The following TSPAN13 variants were observed in gnomAD, a reference collection of about 807,000 sequenced individuals.
TSPAN13 encodes tetraspanin 13.
A neutral mutation model predicts 26.9 loss-of-function variants in TSPAN13; 18 were observed. The observed-to-expected ratio is 0.67, with a 90% confidence interval of 0.46 to 0.99. The LOEUF is 0.99. TSPAN13 is among the 50% of genes least tolerant of loss of function. The pLI is 0.00. For missense variants in TSPAN13, 201 were observed against 249.6 expected (o/e 0.81, Z 1.31); for synonymous variants, 116 against 98.4 (o/e 1.18, Z -1.06).
Position 16,783,570 on chromosome 7 carries a change from G to T in TSPAN13, c.*79G>T. On this transcript the variant is annotated 3_prime_UTR_variant, in exon 6 of 6. Transcript: ENST00000262067. Reference sequence around the variant, plus strand: ...ATTTTCTGTTAAGCTCCATTTGCCAGTTTAAGGAAGGAAACACTATCTGGA... The same window carrying T: ...ATTTTCTGTTAAGCTCCATTTGCCATTTTAAGGAAGGAAACACTATCTGGA... 2 of 1,331,766 alleles carry T rather than the reference G, an allele frequency of 1.5e-6. No homozygotes were observed. 82.5% of individuals were successfully genotyped at this position (1,331,766 alleles called of 1,614,324 possible).
At chr7:16,767,429 A>G (rs1784618698) in intron 1 of TSPAN13, among the ~76,000 whole-genome samples, 1 of 152,122 alleles carries the variant, frequency 6.6e-6, no homozygotes, top group Admixed American at 6.6e-5. Context: ...CTATTGTGTG[A>G]TCACACCAGA....
Position 16,777,919 on chromosome 7 carries a change from C to G in TSPAN13, c.426+8C>G. 1.9e-6 allele frequency: 3 copies of G among 1,595,324 alleles called. No homozygotes were observed. The highest frequency in any genetic ancestry group is 2.6e-6 in the Non-Finnish European group (3 of 1,164,786). On this transcript the variant is annotated splice_region_variant and intron_variant, in intron 4 of 5. Transcript: ENST00000262067. Reference sequence around the variant, plus strand: ...AATGACACCTGTCTGGCTGTAAGTACATTGTATAATATATGTTTTTGGAAA... The same window carrying G: ...AATGACACCTGTCTGGCTGTAAGTAGATTGTATAATATATGTTTTTGGAAA...
chr7:16,779,608 A>G (rs1784792626), intron 5 of TSPAN13, among the ~76,000 whole-genome samples: 1 of 151,934 alleles, frequency 6.6e-6, no homozygotes, highest in South Asian at 2.1e-4. Context: ...CTATATGTGT[A>G]TAATGTATTG....
intron 1 of TSPAN13, among the ~76,000 whole-genome samples, chr7:16,765,898 G>A (rs1177691354): frequency 6.6e-6 from 1 of 152,166 alleles, no homozygotes; most frequent in East Asian, 1.9e-4. Flanking sequence ...TTTTAATTAT[G>A]CTGTTAGAGT....
At chr7:16,767,728 C>T (rs1784623097) in intron 1 of TSPAN13, among the ~76,000 whole-genome samples, 1 of 152,040 alleles carries the variant, frequency 6.6e-6, no homozygotes, top group Admixed American at 6.5e-5. Context: ...CAGTCTAGTG[C>T]ATGTGAGATG....
At chr7:16,782,995 T>C (rs1784829925) in intron 5 of TSPAN13, among the ~76,000 whole-genome samples, 1 of 152,166 alleles carries the variant, frequency 6.6e-6, no homozygotes, top group South Asian at 2.1e-4. Context: ...TCCCTTTACT[T>C]CTGCCATCAC....
At chr7:16,776,909 T>G (rs1784757978) in intron 2 of TSPAN13, 133 bp from the exon 3 acceptor site, 2 of 480,168 alleles carry the variant, frequency 4.2e-6, no homozygotes. Flanking sequence ...TTTTTGAACT[T>G]TCTCTAAGTG....
At chr7:16,773,675 T>G (rs1453180805) in intron 1 of TSPAN13, among the ~76,000 whole-genome samples, 1 of 152,244 alleles carries the variant, frequency 6.6e-6, no homozygotes. Flanking sequence ...AGGTGTAACT[T>G]TTAATATTCT....
intron 1 of TSPAN13, among the ~76,000 whole-genome samples, chr7:16,759,060 A>G (rs1284356629): frequency 1.3e-5 from 2 of 152,200 alleles, no homozygotes; most frequent in Non-Finnish European, 2.9e-5. Context: ...TAGAAGGTAA[A>G]CAAGTTTTAT....
intron 1 of TSPAN13, among the ~76,000 whole-genome samples, chr7:16,769,537 T>TGG (rs10630722): frequency 0.3 from 45,170 of 152,046 alleles, 7,329 homozygotes; most frequent in Admixed American, 0.36. Context: ...TCTTATATTT[T>TGG]GGGGGTATAT....
At chr7:16,761,233 G>A (rs1212946808) in intron 1 of TSPAN13, among the ~76,000 whole-genome samples, 1 of 152,162 alleles carries the variant, frequency 6.6e-6, no homozygotes, top group Non-Finnish European at 1.5e-5. Context: ...ATATTCGCAA[G>A]AGCACTTCAG....
intron 1 of TSPAN13, among the ~76,000 whole-genome samples, chr7:16,768,336 A>G (rs1027781008): frequency 3.9e-5 from 6 of 152,204 alleles, no homozygotes; most frequent in Admixed American, 1.3e-4. Context: ...GTTGGATGGT[A>G]CGGCAGGTAA....
chr7:16,781,363 T>A (rs535702272), intron 5 of TSPAN13, among the ~76,000 whole-genome samples: 2 of 152,214 alleles, frequency 1.3e-5, no homozygotes, highest in Non-Finnish European at 2.9e-5. Context: ...ATGAGCAATA[T>A]ATTTTGGTGA....
At chr7:16,767,954 C>T (rs554624213) in intron 1 of TSPAN13, among the ~76,000 whole-genome samples, 5 of 151,598 alleles carry the variant, frequency 3.3e-5, no homozygotes, top group African/African-American at 1.2e-4. Context: ...CTCTTGTTGC[C>T]CAAGCTGAAG....
intron 1 of TSPAN13, among the ~76,000 whole-genome samples, chr7:16,759,519 T>C (rs1784517916): frequency 6.6e-6 from 1 of 152,058 alleles, no homozygotes; most frequent in African/African-American, 2.4e-5. Context: ...AGGCCCCACC[T>C]CCAACATTGG....
At chr7:16,755,015 C>T (rs1784466411) in intron 1 of TSPAN13, among the ~76,000 whole-genome samples, 1 of 152,186 alleles carries the variant, frequency 6.6e-6, no homozygotes, top group African/African-American at 2.4e-5. Context: ...GGAGTGGAAC[C>T]TAGGCTGTGG....
intron 1 of TSPAN13, among the ~76,000 whole-genome samples, chr7:16,772,570 GTC>G (rs1322373413): frequency 1.3e-5 from 2 of 152,074 alleles, no homozygotes; most frequent in African/African-American, 4.8e-5. Flanking sequence ...CATTGTGTGT[GTC>G]TCTCTCTAAT....
At chr7:16,758,855 G>T (rs1279958080) in intron 1 of TSPAN13, among the ~76,000 whole-genome samples, 1 of 150,240 alleles carries the variant, frequency 6.7e-6, no homozygotes, top group Non-Finnish European at 1.5e-5. Flanking sequence ...TATTATAATT[G>T]TAACTGTTTG....
At chr7:16,765,027 A>G (rs558466715) in intron 1 of TSPAN13, among the ~76,000 whole-genome samples, 2 of 151,864 alleles carry the variant, frequency 1.3e-5, no homozygotes, top group South Asian at 4.2e-4. Context: ...CCAAAGTGCT[A>G]GGATTATAGA....
Sources: allele counts gnomAD v4.1 joint callset (sites outside exome capture counted in the v4.1 genomes callset), GRCh38; gene constraint gnomAD v4.1.1; transcripts MANE v1.5; gene names NCBI Gene and HGNC (gene_info 2026-07-23, HGNC 2026-07-21).